PNPLA7: variants seen among roughly 807,000 people sequenced by gnomAD.
The protein encoded by PNPLA7 is patatin like domain 7, lysophospholipase.
A neutral mutation model predicts 161.7 loss-of-function variants in PNPLA7; 153 were observed. The observed-to-expected ratio is 0.95, with a 90% CI of 0.83 to 1.08. PNPLA7 has a LOEUF of 1.08. Ranked by LOEUF, PNPLA7 falls within the 50% of genes least tolerant of loss-of-function variation. The pLI is 0.00. For missense variants in PNPLA7, 1,739 were observed against 1,856.6 expected (o/e 0.94, Z 1.16); for synonymous variants, 809 against 782.1 (o/e 1.03, Z -0.57).
At chr9:137,484,453 C>T in intron 21 of PNPLA7, 134 bp downstream of exon 21, 2 of 958,616 alleles carry the variant, frequency 2.1e-6, no homozygotes, top group Non-Finnish European at 2.8e-6. Flanking sequence ...TTTGGAAACA[C>T]TACCGAACAC....
Position 137,467,616 on chromosome 9 carries a change from A to C in PNPLA7, c.2883-143T>G. 8.6e-7 allele frequency: 1 copy of C among 1,163,906 alleles called. No individual in the cohort carries two copies. The highest frequency in any genetic ancestry group is 1.2e-6 in the Non-Finnish European group (1 of 854,010). 72.1% of individuals were successfully genotyped at this position (1,163,906 alleles called of 1,614,324 possible). A position where few individuals can be genotyped will look rare whatever the true frequency, so the allele number is the denominator to read the frequency against. On this transcript the variant is annotated intron_variant, in intron 25 of 34. Coordinates refer to ENST00000406427, the MANE Select transcript of PNPLA7 (RefSeq NM_001098537.3). The surrounding 1 kb of genome is among the most constrained non-coding windows in gnomAD (Gnocchi z 5.1). ...AGAGGGACTCCAGATGCAGTTTAAA[A>C]CCCCTCTTTCCGGGCTCACGCCTGT...
chr9:137,476,940 C>T lies in PNPLA7; in HGVS notation c.2882+1094G>A, dbSNP rs1387144714. 6.6e-6 allele frequency among the ~76,000 whole-genome samples: 1 copy of T among 152,244 alleles called. No individual in the cohort carries two copies. Among genetic ancestry groups the T allele is most frequent in the Non-Finnish European group, 1.5e-5 (1 of 68,046 alleles). On this transcript the variant is annotated intron_variant, in intron 25 of 34. Transcript: ENST00000406427. The surrounding 1 kb of genome is among the most constrained non-coding windows in gnomAD (Gnocchi z 4.5). The stretch of plus-strand genomic sequence containing the variant: ...CCTCATCACCTAGAACAGCCCCAGG[C>T]TGACAGGGCCCTGCCCTGGGGCCAG...
At chr9:137,501,315 C>A (rs993083823) in intron 15 of PNPLA7, among the ~76,000 whole-genome samples, 1 of 152,374 alleles carries the variant, frequency 6.6e-6, no homozygotes, top group African/African-American at 2.4e-5. Context: ...TTTGGTCCCA[C>A]ATCTGCAGAT....
At chr9:137,478,793 C>A (rs1832062786) in intron 24 of PNPLA7, 2 of 429,648 alleles carry the variant, frequency 4.7e-6, no homozygotes, top group East Asian at 8.3e-5. Flanking sequence ...CTGATTCAGG[C>A]CCATCCCCGG....
At chr9:137,506,113 G>A in intron 12 of PNPLA7, 30 bp from the exon 13 acceptor site, 1 of 1,580,604 alleles carries the variant, frequency 6.3e-7, no homozygotes, top group Non-Finnish European at 8.6e-7. Context: ...TCAGGACACG[G>A]TTCGCTAGGC....
intron 23 of PNPLA7, 140 bp downstream of exon 23, chr9:137,480,172 T>G: frequency 1.6e-6 from 2 of 1,243,494 alleles, no homozygotes; most frequent in South Asian, 3.0e-5. Context: ...TTTTAAAACA[T>G]GGGTAGCAGA....
chr9:137,522,945 C>G (rs1388982952), intron 8 of PNPLA7, 88 bp from the exon 9 acceptor site: 77 of 1,548,768 alleles, frequency 5.0e-5, no homozygotes, highest in Non-Finnish European at 6.5e-5. Context: ...CTGGAGGAGG[C>G]CCCGCCTGCT....
chr9:137,463,446 C>T lies in PNPLA7; in HGVS notation c.3312G>A (p.Leu1104=), dbSNP rs1831313629. Residue 1104 remains leucine (L), a synonymous_variant, in exon 29 of 35, where the codon CTG becomes CTA. Transcript: ENST00000406427. ...GGTTGTTGATGTAGCCCCCGTCCAT[C>T]AGCAGGTGTCCGTCCTTCGGGTCAC... ...PLCDPKDGHL[L]MDGGYINNLP... is the part of the protein sequence containing the mutation. 2 of 1,601,764 alleles carry T rather than the reference C, an allele frequency of 1.2e-6. No homozygotes were observed. The highest frequency in any genetic ancestry group is 1.1e-5 in the South Asian group (1 of 88,822).
Position 137,499,424 on chromosome 9 carries a change from G to A in PNPLA7, c.1758-1179C>T, listed in dbSNP as rs1360763029. Among the ~76,000 whole-genome samples, 1 of 152,226 alleles carries A rather than the reference G, an allele frequency of 6.6e-6. No individual in the cohort carries two copies. The highest frequency in any genetic ancestry group is 1.5e-5 in the Non-Finnish European group (1 of 68,036). On this transcript the variant is annotated intron_variant, in intron 16 of 34. Coordinates refer to ENST00000406427, the MANE Select transcript of PNPLA7 (RefSeq NM_001098537.3). The surrounding 1 kb of genome is among the most constrained non-coding windows in gnomAD (Gnocchi z 5.5). ...CTGAGGGCCCTGAGCTCTGCCCTGG[G>A]TGGTTCCTGTCCCTGCTCTTCGCCA...
In PNPLA7 at chr9:137,460,295, G is replaced by T. The variant is rs1287066035; in HGVS notation, c.*98C>A. On this transcript the variant is annotated 3_prime_UTR_variant, in exon 35 of 35. Coordinates refer to ENST00000406427, the MANE Select transcript of PNPLA7 (RefSeq NM_001098537.3). ...GGCCCCGGGGAAGTCAGGGCTTCCA[G>T]CAGGGCAGGTACAGAGGCCCCTAGG... 8.0e-7 allele frequency: 1 copy of T among 1,256,444 alleles called. No individual in the cohort carries two copies. The highest frequency in any genetic ancestry group is 1.1e-6 in the Non-Finnish European group (1 of 908,796). 77.8% of individuals were successfully genotyped at this position (1,256,444 alleles called of 1,614,324 possible).
rs759252910 is a variant in PNPLA7 at position 137,505,707 on chromosome 9, T to TGG, written c.1379_1380insCC (p.Glu461GlnfsTer28). The TGG allele has an allele frequency of 3.1e-6, 5 of 1,614,124 alleles. No homozygotes were observed. The highest frequency in any genetic ancestry group is 4.2e-6 in the Non-Finnish European group (5 of 1,180,020). ...CCAGGGTCTCATCCGTGTGACTCTC[T>TGG]GAGTGCTGGGAGACCGTGGAGGGTA... is the stretch of plus-strand genomic sequence containing the variant. On this transcript the variant is annotated frameshift_variant, in exon 14 of 35. Coordinates refer to ENST00000406427, the MANE Select transcript of PNPLA7 (RefSeq NM_001098537.3). LOFTEE classifies it high-confidence loss of function.
At chr9:137,521,772 C>A (rs2132484915) in intron 9 of PNPLA7, 56 bp from the exon 10 acceptor site, 1 of 1,479,168 alleles carries the variant, frequency 6.8e-7, no homozygotes. Flanking sequence ...AGGGCGGGCC[C>A]CCGGCAGCAC....
intron 25 of PNPLA7, among the ~76,000 whole-genome samples, chr9:137,472,904 G>A (rs576970388): frequency 1.2e-3 from 187 of 151,606 alleles, no homozygotes; most frequent in Non-Finnish European, 2.0e-3. Flanking sequence ...GCAGTGAGCC[G>A]AGATTGCACC....
At chr9:137,509,015 G>A (rs1401191984) in intron 12 of PNPLA7, 1 of 152,234 alleles carries the variant, frequency 6.6e-6, no homozygotes, top group African/African-American at 2.4e-5. Context: ...CCAGAAGACA[G>A]AGAGCAGCAC....
Position 137,522,761 on chromosome 9 carries a change from T to G in PNPLA7, c.844A>C (p.Lys282Gln). The G allele has an allele frequency of 6.2e-7, 1 of 1,613,704 alleles. No individual in the cohort carries two copies. The highest frequency in any genetic ancestry group is 1.3e-5 in the African/African-American group (1 of 75,038). ...ACCCTCACCAGAGTTTCCGGATATT[T>G]CTCAAAAACTCCATGAAAAGCCGCA... ...PAAAFHGVFEKYPETLVRVVQ... is the reference protein window; with the variant it reads ...PAAAFHGVFEQYPETLVRVVQ... Residue 282 changes from lysine (K) to glutamine (Q), a missense_variant, in exon 9 of 35, where the codon AAA (lysine) becomes CAA (glutamine). Physicochemically the swap from Lys to Gln is moderately conservative, Grantham distance 53 (BLOSUM62 1). This residue lies in a region of PNPLA7 where 152 missense variants were observed against 193.5 expected (regional missense o/e 0.79). Coordinates refer to ENST00000406427, the MANE Select transcript of PNPLA7 (RefSeq NM_001098537.3).
chr9:137,495,580 AC>A (rs1449890776), intron 18 of PNPLA7, among the ~76,000 whole-genome samples: 1 of 152,008 alleles, frequency 6.6e-6, no homozygotes, highest in Non-Finnish European at 1.5e-5. Context: ...AGTAGCTGTG[AC>A]CACAGATGCC....
intron 25 of PNPLA7, 91 bp downstream of exon 25, chr9:137,477,942 CT>C (rs1174612083): frequency 8.5e-6 from 9 of 1,064,650 alleles, no homozygotes; most frequent in African/African-American, 5.0e-5. Context: ...GTGACACCCC[CT>C]GTCCCCCGCA....
rs764738755 is a variant in PNPLA7 at position 137,462,348 on chromosome 9, C to A, written c.3493-17G>T. On this transcript the variant is annotated splice_polypyrimidine_tract_variant and intron_variant, in intron 30 of 34. Coordinates refer to ENST00000406427, the MANE Select transcript of PNPLA7 (RefSeq NM_001098537.3). The stretch of plus-strand genomic sequence containing the variant: ...GTTCAACACCTGCTGCCGTCACAGC[C>A]GCCTGAGTCTCCTGCCCCGGCCCCT... 1.3e-6 allele frequency: 2 copies of A among 1,583,736 alleles called. No individual in the cohort carries two copies. The highest frequency in any genetic ancestry group is 8.6e-7 in the Non-Finnish European group (1 of 1,163,260).
At position 137,515,275 on chromosome 9, in the gene PNPLA7, G is replaced by A. The variant is rs368059013; in HGVS notation, c.1225+104C>T. ...GGCACGTGGGGCTCTAGTGGAGGGT[G>A]CCCGCCTCGGCGGCGATGCTGGGCA... On this transcript the variant is annotated intron_variant, in intron 12 of 34. Transcript: ENST00000406427. The A allele has an allele frequency of 1.1e-3, 1,519 of 1,443,084 alleles. 13 individuals are homozygous for A. In the East Asian group the frequency reaches 0.012, roughly 11 times the overall value. The allele number at this position is 1,443,084 out of a possible 1,614,324, so 89.4% of individuals were successfully genotyped here.
Sources: gnomAD v4.1 joint callset for allele counts (sites outside exome capture counted in the v4.1 genomes callset) on GRCh38, gnomAD v4.1.1 for gene constraint, gnomAD v4.1.1 regional missense constraint, Gnocchi (gnomAD v3.1) non-coding constraint, MANE v1.5 for transcripts, NCBI Gene and HGNC (gene_info 2026-07-23, HGNC 2026-07-21) for gene names.